Variants in IL1RAPL2 observed in about 807,000 individuals in gnomAD.
The protein encoded by IL1RAPL2 is X-linked interleukin-1 receptor accessory protein-like 2.
A neutral mutation model predicts 44.1 loss-of-function variants in IL1RAPL2; 3 were observed. The ratio of observed to expected loss-of-function variants is 0.07; its 90% confidence interval spans 0.03 to 0.18. The LOEUF (loss-of-function observed/expected upper bound fraction) is 0.18, where lower values mean the gene tolerates loss of function less well. Among genes scored for constraint, IL1RAPL2 ranks in the 10% least tolerant of loss-of-function variants. The probability of loss-of-function intolerance (pLI) is 1.00; values close to 1 mark genes in which losing one functional copy is unlikely to be tolerated. For synonymous variants in IL1RAPL2, 181 were observed against 178.8 expected, an observed-to-expected ratio of 1.01 and a Z score of -0.10; for missense variants, 391 against 496.4, an observed-to-expected ratio of 0.79 and a Z score of 2.02.
intron 2 of IL1RAPL2, among the ~76,000 whole-genome samples, chrX:105,176,172 A>C (rs1333789338): frequency 9.0e-6 from 1 of 111,114 alleles, no homozygotes; most frequent in African/African-American, 3.3e-5. Context: ...GGCCCCTTTC[A>C]CTGCAGAGAC....
intron 1 of IL1RAPL2, among the ~76,000 whole-genome samples, chrX:104,630,446 A>G (rs1243746946): frequency 9.3e-6 from 1 of 107,797 alleles, no homozygotes. Context: ...TGCGCCCGGC[A>G]GGCTGATTTT....
chrX:104,676,450 A>T (rs1258473808), intron 2 of IL1RAPL2, among the ~76,000 whole-genome samples: 3 of 111,253 alleles, frequency 2.7e-5, no homozygotes, highest in African/African-American at 9.8e-5. Context: ...TGGCTTATAG[A>T]GTTTCTGCTG....
At chrX:104,636,925 C>T (rs1363495732) in intron 1 of IL1RAPL2, among the ~76,000 whole-genome samples, 1 of 111,679 alleles carries the variant, frequency 9.0e-6, no homozygotes, top group African/African-American at 3.3e-5. Context: ...CTCCCCTCTT[C>T]TGCGTCGCTC....
intron 2 of IL1RAPL2, among the ~76,000 whole-genome samples, chrX:104,984,242 G>A (rs2030518877): frequency 8.9e-6 from 1 of 111,791 alleles, no homozygotes; most frequent in Non-Finnish European, 1.9e-5. Context: ...TGAGCGCAGA[G>A]TTAATCACAT....
chrX:104,615,939 A>G (rs767490178), intron 1 of IL1RAPL2, among the ~76,000 whole-genome samples: 1 of 112,207 alleles, frequency 8.9e-6, no homozygotes, highest in Admixed American at 9.4e-5. Flanking sequence ...ATGGGATGGT[A>G]TCTCATTGTG....
chrX:105,327,456 T>A (rs980521923), intron 5 of IL1RAPL2, among the ~76,000 whole-genome samples: 2 of 112,216 alleles, frequency 1.8e-5, no homozygotes, highest in African/African-American at 6.5e-5. Flanking sequence ...TTCTCCTACA[T>A]TCAGACTGTC....
chrX:105,375,241 G>A (rs1413866141), intron 5 of IL1RAPL2, among the ~76,000 whole-genome samples: 2 of 111,182 alleles, frequency 1.8e-5, no homozygotes, highest in East Asian at 2.8e-4. Context: ...GCTGGGCATG[G>A]TGGCTCATAC....
chrX:105,377,234 A>G (rs759445752), intron 5 of IL1RAPL2, among the ~76,000 whole-genome samples: 1 of 111,681 alleles, frequency 9.0e-6, no homozygotes, highest in Admixed American at 9.5e-5. Flanking sequence ...GAGATTTCAT[A>G]TTAGCATAGA....
At chrX:105,590,853 G>GTT (rs1363671294) in intron 6 of IL1RAPL2, among the ~76,000 whole-genome samples, 77 of 100,935 alleles carry the variant, frequency 7.6e-4, no homozygotes, top group African/African-American at 3.2e-3. Context: ...GTGTGTTTGT[G>GTT]TGTGTTTGTG....
chrX:105,018,486 A>G (rs768340021), intron 2 of IL1RAPL2, among the ~76,000 whole-genome samples: 12 of 111,272 alleles, frequency 1.1e-4, no homozygotes, highest in Non-Finnish European at 2.1e-4. Context: ...TTGTTGATGT[A>G]TTATAAATAG....
chrX:105,569,030 T>A (rs999723073), intron 6 of IL1RAPL2, among the ~76,000 whole-genome samples: 1 of 111,611 alleles, frequency 9.0e-6, no homozygotes, highest in Non-Finnish European at 1.9e-5. Context: ...GTGTATATAC[T>A]TTTTTATAAA....
At chrX:104,570,003 T>C (rs757092160) in intron 1 of IL1RAPL2, among the ~76,000 whole-genome samples, 1 of 112,307 alleles carries the variant, frequency 8.9e-6, no homozygotes, top group Non-Finnish European at 1.9e-5. Flanking sequence ...GGAAGACAAA[T>C]GTACACACTG....
At chrX:105,654,743 G>T (rs2037666164) in intron 6 of IL1RAPL2, among the ~76,000 whole-genome samples, 1 of 111,599 alleles carries the variant, frequency 9.0e-6, no homozygotes, top group East Asian at 2.8e-4. Context: ...CATGTTTCTG[G>T]CATTTATTGA....
chrX:105,159,341 T>C (rs1183968048), intron 2 of IL1RAPL2, among the ~76,000 whole-genome samples: 1 of 112,054 alleles, frequency 8.9e-6, no homozygotes, highest in Non-Finnish European at 1.9e-5. Context: ...CCCATTCAGA[T>C]TGAGAAGCCA....
chrX:104,780,391 C>T (rs1569313298), intron 2 of IL1RAPL2, among the ~76,000 whole-genome samples: 2 of 112,006 alleles, frequency 1.8e-5, no homozygotes, highest in Non-Finnish European at 3.8e-5. Flanking sequence ...TGATATCTCT[C>T]TGTCACAGAA....
At chrX:104,651,749 G>T (rs1930156762) in intron 1 of IL1RAPL2, among the ~76,000 whole-genome samples, 2 of 111,259 alleles carry the variant, frequency 1.8e-5, no homozygotes, top group Non-Finnish European at 3.8e-5. Context: ...TTCTAAATTG[G>T]GGGGTAAGAC....
chrX:105,142,596 CA>C (rs1477635744), intron 2 of IL1RAPL2, among the ~76,000 whole-genome samples: 3 of 109,177 alleles, frequency 2.7e-5, no homozygotes, highest in African/African-American at 6.7e-5. Context: ...AAATCTGTGA[CA>C]TTTTTTTTTT....
rs199567660 is a variant in IL1RAPL2 at position 104,626,824 on chromosome X, C to CTTT, written c.-19-32059_-19-32057dup. The stretch of plus-strand genomic sequence containing the variant: ...TCCAATTGTAGTGTTTTGTAGATAA[C>CTTT]TTTTTTTTTTTTTTGAGACAGAGTC... On this transcript the variant is annotated intron_variant, in intron 1 of 10. Transcript: ENST00000372582. Among the ~76,000 whole-genome samples, 475 of 98,841 alleles carry CTTT rather than the reference C, an allele frequency of 4.8e-3. 4 individuals are homozygous for CTTT. Among genetic ancestry groups the CTTT allele is most frequent in the Non-Finnish European group, 7.0e-3 (344 of 48,946 alleles). The allele number at this position is 98,841 out of a possible 115,157, so 85.8% of individuals were successfully genotyped here. A position where few individuals can be genotyped will look rare whatever the true frequency, so the allele number is the denominator to read the frequency against.
chrX:104,708,659 A>G lies in IL1RAPL2; in HGVS notation c.82+49664A>G, dbSNP rs145758402. 3.9e-4 allele frequency among the ~76,000 whole-genome samples: 44 copies of G among 111,488 alleles called. No individual in the cohort carries two copies. In the East Asian group the frequency reaches 0.01, roughly 27 times the overall value. On this transcript the variant is annotated intron_variant, in intron 2 of 10. Coordinates refer to ENST00000372582, the MANE Select transcript of IL1RAPL2 (RefSeq NM_017416.2). ...AATTTGTTCCCTGCATAACACATCC[A>G]GTTGAACTGTGGTGTGACTGAGAGG...
Sources: gnomAD v4.1 joint callset for allele counts (sites outside exome capture counted in the v4.1 genomes callset) on GRCh38, gnomAD v4.1.1 for gene constraint, MANE v1.5 for transcripts, NCBI Gene and HGNC (gene_info 2026-07-23, HGNC 2026-07-21) for gene names.